Variants in COL4A3 observed in about 807,000 individuals in gnomAD.
COL4A3 encodes the protein collagen type IV alpha 3 chain.
COL4A3 carries 135 observed loss-of-function variants against 217.4 expected under a neutral mutation model. The ratio of observed to expected loss-of-function variants is 0.62; its 90% CI spans 0.54 to 0.72. The LOEUF (loss-of-function observed/expected upper bound fraction) is 0.72, where lower values mean the gene tolerates loss of function less well. Among genes scored for constraint, COL4A3 ranks in the 30% least tolerant of loss-of-function variants. COL4A3 has a pLI of 0.00. For synonymous variants in COL4A3, 690 were observed against 736.3 expected, an observed-to-expected ratio of 0.94 and a Z score of 1.02; for missense variants, 1,868 against 2,119.9, an observed-to-expected ratio of 0.88 and a Z score of 2.33.
intron 18 of COL4A3, among the ~76,000 whole-genome samples, chr2:227,258,375 A>G (rs1281979100): frequency 6.6e-6 from 1 of 152,224 alleles, no homozygotes; most frequent in Admixed American, 6.5e-5. Context: ...TAACTCAGGA[A>G]TTGGAGTGGG....
chr2:227,252,243 T>C (rs1265605597), intron 11 of COL4A3, among the ~76,000 whole-genome samples: 1 of 128,240 alleles, frequency 7.8e-6, no homozygotes, highest in Non-Finnish European at 1.6e-5. Flanking sequence ...AGATGGAGTC[T>C]CACTCTGTTG....
At chr2:227,267,812 A>G (rs547339067) in intron 23 of COL4A3, among the ~76,000 whole-genome samples, 1 of 150,840 alleles carries the variant, frequency 6.6e-6, no homozygotes, top group East Asian at 1.9e-4. Flanking sequence ...AAAACACAAC[A>G]TTTTATAGCC....
intron 18 of COL4A3, 52 bp from the exon 19 acceptor site, chr2:227,259,741 G>A: frequency 4.7e-6 from 6 of 1,284,746 alleles, no homozygotes; most frequent in Non-Finnish European, 6.8e-6. Context: ...TGTTTGGTGA[G>A]CTGTCCATAA....
intron 50 of COL4A3, among the ~76,000 whole-genome samples, chr2:227,309,802 T>A (rs4305262): frequency 0.31 from 47,637 of 151,892 alleles, 7,792 homozygotes; most frequent in Admixed American, 0.4. Context: ...TTGTTTTGTT[T>A]TTTTAGTAGA....
intron 9 of COL4A3, 77 bp from the exon 10 acceptor site, chr2:227,251,063 A>G (rs1183836244): frequency 1.9e-6 from 2 of 1,045,166 alleles, no homozygotes; most frequent in Non-Finnish European, 3.0e-6. Context: ...AAATATTTTA[A>G]TGCATTTAAT....
Position 227,297,830 on chromosome 2 carries a change from G to T in COL4A3, c.3722G>T (p.Arg1241Leu). 1 of 1,563,892 alleles carries T rather than the reference G, an allele frequency of 6.4e-7. No individual in the cohort carries two copies. Among genetic ancestry groups the T allele is most frequent in the Non-Finnish European group, 8.7e-7 (1 of 1,153,366 alleles). ...GAIIPGQTGN[R>L]GPPGSRGSPG... Reference sequence around the variant, plus strand: ...ATTATCCCTGGCCAGACAGGAAATCGTGGTCCACCAGGCTCAAGAGGAAGC... The same window carrying T: ...ATTATCCCTGGCCAGACAGGAAATCTTGGTCCACCAGGCTCAAGAGGAAGC... Residue 1241 changes from arginine (R) to leucine (L), a missense_variant, in exon 42 of 52, where the codon CGT (arginine) becomes CTT (leucine). By Grantham distance (102) the Arg-to-Leu change is moderately radical (BLOSUM62 -2). Transcript: ENST00000396578.
chr2:227,190,626 A>G (rs759183722), intron 1 of COL4A3, among the ~76,000 whole-genome samples: 6 of 152,246 alleles, frequency 3.9e-5, no homozygotes, highest in Non-Finnish European at 5.9e-5. Context: ...TAAAAGTAAT[A>G]GGTAGTCTGG....
intron 1 of COL4A3, among the ~76,000 whole-genome samples, chr2:227,234,490 T>C (rs2068581955): frequency 1.3e-5 from 2 of 152,228 alleles, no homozygotes. Context: ...CCCCATCAAA[T>C]AGCCATGCAA....
chr2:227,268,270 G>A (rs2071036176), intron 23 of COL4A3: 1 of 152,294 alleles, frequency 6.6e-6, no homozygotes, highest in Admixed American at 6.5e-5. Flanking sequence ...AACCGCATTG[G>A]ACAGATGAGG....
intron 29 of COL4A3, 33 bp from the exon 30 acceptor site, chr2:227,280,407 C>T (rs756853466): frequency 6.2e-7 from 1 of 1,612,762 alleles, no homozygotes; most frequent in Non-Finnish European, 8.5e-7. Flanking sequence ...TTTGGAAGCA[C>T]TATATAGTAA....
At position 227,191,998 on chromosome 2, in the gene COL4A3, A is replaced by G. The variant is rs2066261706; in HGVS notation, c.87+27185A>G. 6.6e-6 allele frequency among the ~76,000 whole-genome samples: 1 copy of G among 152,260 alleles called. No individual in the cohort carries two copies. The highest frequency in any genetic ancestry group is 2.4e-5 in the African/African-American group (1 of 41,466). On this transcript the variant is annotated intron_variant, in intron 1 of 51. Coordinates refer to ENST00000396578, the MANE Select transcript of COL4A3 (RefSeq NM_000091.5). This position sits in a 1 kb window ranked among gnomAD's most constrained non-coding sequence, Gnocchi z 6.8. ...CTTAAATTTCTCTGTGAATGTGTACAGTGAATTTCTTCATCTCTAAAGCAA... is the reference window on the plus strand; with the variant it reads ...CTTAAATTTCTCTGTGAATGTGTACGGTGAATTTCTTCATCTCTAAAGCAA...
At chr2:227,304,304 C>A in intron 46 of COL4A3, 160 bp downstream of exon 46, 1 of 890,234 alleles carries the variant, frequency 1.1e-6, no homozygotes, top group Admixed American at 2.2e-5. Context: ...TACCCTTGAC[C>A]AGCAAATAAA....
intron 1 of COL4A3, among the ~76,000 whole-genome samples, chr2:227,172,676 T>A (rs1267547341): frequency 2.8e-5 from 4 of 141,932 alleles, no homozygotes; most frequent in African/African-American, 5.2e-5. Context: ...AACCTCTGCC[T>A]CCTGGATTCA....
At chr2:227,274,690 G>A (rs1199603639) in intron 26 of COL4A3, among the ~76,000 whole-genome samples, 1 of 151,950 alleles carries the variant, frequency 6.6e-6, no homozygotes, top group African/African-American at 2.4e-5. Flanking sequence ...GTAGAGATGG[G>A]GTTTCACCAT....
At chr2:227,245,430 G>A (rs1473141813) in intron 5 of COL4A3, among the ~76,000 whole-genome samples, 1 of 152,146 alleles carries the variant, frequency 6.6e-6, no homozygotes, top group Non-Finnish European at 1.5e-5. Context: ...CATACAGGAG[G>A]ATATGTATAA....
intron 29 of COL4A3, 33 bp from the exon 30 acceptor site, chr2:227,280,407 C>G (rs756853466): frequency 1.9e-6 from 3 of 1,612,762 alleles, no homozygotes; most frequent in Non-Finnish European, 1.7e-6. Context: ...TTTGGAAGCA[C>G]TATATAGTAA....
chr2:227,283,732 A>T (rs2072132759), intron 32 of COL4A3, 35 bp from the exon 33 acceptor site: 2 of 1,569,340 alleles, frequency 1.3e-6, no homozygotes, highest in South Asian at 2.2e-5. Flanking sequence ...CACTCTGTAC[A>T]ACACGTGCTG....
intron 1 of COL4A3, among the ~76,000 whole-genome samples, chr2:227,212,223 A>T (rs542397519): frequency 6.6e-6 from 1 of 152,108 alleles, no homozygotes; most frequent in African/African-American, 2.4e-5. Flanking sequence ...GATATTGCAA[A>T]TACATCACAG....
At chr2:227,268,006 C>A (rs1574740308) in intron 23 of COL4A3, among the ~76,000 whole-genome samples, 3 of 152,186 alleles carry the variant, frequency 2.0e-5, no homozygotes, top group African/African-American at 7.2e-5. Flanking sequence ...TCTCTGTTTA[C>A]TGACTGGGTT....
Sources: allele counts gnomAD v4.1 joint callset (sites outside exome capture counted in the v4.1 genomes callset), GRCh38; gene constraint gnomAD v4.1.1; non-coding constraint Gnocchi (gnomAD v3.1); transcripts MANE v1.5; gene names NCBI Gene and HGNC (gene_info 2026-07-23, HGNC 2026-07-21).